UHRF2: variants seen among roughly 807,000 people sequenced by gnomAD.
UHRF2 encodes ubiquitin like with PHD and ring finger domains 2.
A neutral mutation model predicts 96.8 loss-of-function variants in UHRF2; 23 were observed. That is an observed-to-expected ratio of 0.24 (90% CI 0.17 to 0.34). The LOEUF is 0.34. Among genes scored for constraint, UHRF2 ranks in the 10% least tolerant of loss-of-function variants. The probability of loss-of-function intolerance (pLI) is 1.00; values close to 1 mark genes in which losing one functional copy is unlikely to be tolerated. For missense variants in UHRF2, 685 were observed against 981.5 expected (o/e 0.70, Z 4.04); for synonymous variants, 385 against 332.6 (o/e 1.16, Z -1.72).
intron 3 of UHRF2, among the ~76,000 whole-genome samples, chr9:6,451,773 T>TTGGTTGTTG (rs1554625814): frequency 4.7e-5 from 7 of 148,802 alleles, no homozygotes; most frequent in African/African-American, 1.5e-4. Flanking sequence ...GCCCGGCCTG[T>TTGGTTGTTG]TTGTTGTTGT....
intron 9 of UHRF2, 24 bp from the exon 10 acceptor site, chr9:6,493,802 A>C: frequency 6.3e-7 from 1 of 1,585,838 alleles, no homozygotes; most frequent in Non-Finnish European, 8.6e-7. Flanking sequence ...TAGCTTTCTT[A>C]ATAAAGAAAA....
chr9:6,436,283 G>T (rs1391068977), intron 3 of UHRF2, among the ~76,000 whole-genome samples: 3 of 152,102 alleles, frequency 2.0e-5, no homozygotes, highest in Non-Finnish European at 4.4e-5. Flanking sequence ...TGTGGTTGTG[G>T]CTAAGCGGCC....
intron 5 of UHRF2, among the ~76,000 whole-genome samples, 177 bp downstream of exon 5, chr9:6,475,677 A>T (rs948853646): frequency 3.9e-5 from 6 of 152,176 alleles, no homozygotes; most frequent in Non-Finnish European, 7.3e-5. Context: ...TTCCTAAATG[A>T]TTAAGTGTTA....
At chr9:6,494,242 C>A (rs564392133) in intron 10 of UHRF2, 2 of 258,762 alleles carry the variant, frequency 7.7e-6, no homozygotes, top group East Asian at 7.9e-5. Flanking sequence ...TTGTCTACTA[C>A]TCCATTGGTC....
chr9:6,475,176 T>A (rs1823490393), intron 4 of UHRF2, among the ~76,000 whole-genome samples: 1 of 152,206 alleles, frequency 6.6e-6, no homozygotes, highest in Non-Finnish European at 1.5e-5. Flanking sequence ...TAATGAAGTC[T>A]GTATTTTTTT....
intron 15 of UHRF2, among the ~76,000 whole-genome samples, chr9:6,505,145 C>T (rs1816515605): frequency 6.6e-6 from 1 of 152,090 alleles, no homozygotes; most frequent in South Asian, 2.1e-4. Flanking sequence ...TTGCTCTACC[C>T]AGTGGTGATT....
chr9:6,445,981 C>CTTTTTTTTTTTTTTTTTTT (rs57147850), intron 3 of UHRF2, among the ~76,000 whole-genome samples: 2 of 78,894 alleles, frequency 2.5e-5, no homozygotes, highest in African/African-American at 1.1e-4. Flanking sequence ...CCCCGCCACC[C>CTTTTTTTTTTTTTTTTTTT]TTTTTTTTTT....
At chr9:6,415,879 CT>C (rs939239645) in intron 1 of UHRF2, among the ~76,000 whole-genome samples, 42 of 152,282 alleles carry the variant, frequency 2.8e-4, no homozygotes, top group African/African-American at 8.4e-4. Context: ...TCCCACTAGT[CT>C]CTTACTATTC....
intron 3 of UHRF2, among the ~76,000 whole-genome samples, chr9:6,455,700 C>G (rs1822135685): frequency 6.6e-6 from 1 of 152,108 alleles, no homozygotes; most frequent in South Asian, 2.1e-4. Flanking sequence ...AAGTGAAGAA[C>G]CTGGCTCAGC....
chr9:6,504,015 C>CTTT (rs35325264), intron 14 of UHRF2, among the ~76,000 whole-genome samples: 1,094 of 78,942 alleles, frequency 0.014, 205 homozygotes, highest in African/African-American at 0.062. Flanking sequence ...AAATAGAAGA[C>CTTT]TTTTTTTTTT....
chr9:6,475,611 A>C (rs1378692304), intron 5 of UHRF2, 111 bp downstream of exon 5: 1 of 474,922 alleles, frequency 2.1e-6, no homozygotes, highest in African/African-American at 2.0e-5. Context: ...AGACCATACA[A>C]ATTTATTTTC....
chr9:6,468,505 TTTGTAG>T, intron 4 of UHRF2: 1 of 456,058 alleles, frequency 2.2e-6, no homozygotes, highest in Non-Finnish European at 4.4e-6. Context: ...GGCAGGTAGC[TTTGTAG>T]TTGTGTTTTG....
At chr9:6,471,184 A>G (rs567574976) in intron 4 of UHRF2, among the ~76,000 whole-genome samples, 5 of 152,338 alleles carry the variant, frequency 3.3e-5, no homozygotes, top group East Asian at 1.9e-4. Flanking sequence ...AGCATCTACA[A>G]TGAAACAGGG....
intron 3 of UHRF2, among the ~76,000 whole-genome samples, chr9:6,436,136 C>T (rs568077178): frequency 2.0e-5 from 3 of 152,068 alleles, no homozygotes; most frequent in Non-Finnish European, 2.9e-5. Context: ...TTAACAAGTA[C>T]GAGTTAGAAA....
At chr9:6,457,671 G>C (rs1438876988) in intron 3 of UHRF2, among the ~76,000 whole-genome samples, 2 of 152,130 alleles carry the variant, frequency 1.3e-5, no homozygotes, top group Non-Finnish European at 2.9e-5. Flanking sequence ...ATTATTTTGA[G>C]ATACATTCCA....
chr9:6,442,838 A>G (rs564034501), intron 3 of UHRF2, among the ~76,000 whole-genome samples: 49 of 152,284 alleles, frequency 3.2e-4, no homozygotes, highest in African/African-American at 1.1e-3. Context: ...TTTTTAGGCC[A>G]TAGTTACCAC....
At chr9:6,492,074 C>G (rs1420334897) in intron 9 of UHRF2, among the ~76,000 whole-genome samples, 1 of 152,022 alleles carries the variant, frequency 6.6e-6, no homozygotes, top group African/African-American at 2.4e-5. Flanking sequence ...GGTTTGAGCT[C>G]TTACAGTCTT....
At chr9:6,483,586 A>G (rs1219960588) in intron 8 of UHRF2, among the ~76,000 whole-genome samples, 1 of 152,184 alleles carries the variant, frequency 6.6e-6, no homozygotes, top group Non-Finnish European at 1.5e-5. Context: ...CAGATGTGGA[A>G]CCTGTGGGCC....
At chr9:6,455,176 A>G (rs562907528) in intron 3 of UHRF2, among the ~76,000 whole-genome samples, 7 of 152,218 alleles carry the variant, frequency 4.6e-5, no homozygotes, top group East Asian at 3.9e-4. Context: ...TCTAGGGTGC[A>G]TGTGCACAAC....
Sources: gnomAD v4.1 joint callset for allele counts (sites outside exome capture counted in the v4.1 genomes callset) on GRCh38, gnomAD v4.1.1 for gene constraint, MANE v1.5 for transcripts, NCBI Gene and HGNC (gene_info 2026-07-23, HGNC 2026-07-21) for gene names.